Variants in ANO2 observed in about 807,000 individuals in gnomAD.
The protein encoded by ANO2 is anoctamin 2, also known as anoctamin-2.
In ANO2, 101 loss-of-function variants were observed where a neutral mutation model predicts 124.2. That is an observed-to-expected ratio of 0.81 (90% CI 0.69 to 0.96). ANO2 has a LOEUF of 0.96. Ranked by LOEUF, ANO2 falls within the 40% of genes least tolerant of loss-of-function variation. ANO2 has a pLI of 0.00. For synonymous variants in ANO2, 486 were observed against 482.5 expected (o/e 1.01, Z -0.09); for missense variants, 1,293 against 1,274.5 (o/e 1.01, Z -0.22).
chr12:5,878,645 C>A (rs541534021), intron 3 of ANO2, among the ~76,000 whole-genome samples: 1 of 152,114 alleles, frequency 6.6e-6, no homozygotes, highest in African/African-American at 2.4e-5. Flanking sequence ...AACATAGTAC[C>A]CAATACCAAT....
chr12:5,574,916 A>G (rs981968606), intron 23 of ANO2, among the ~76,000 whole-genome samples: 6 of 152,192 alleles, frequency 3.9e-5, no homozygotes, highest in Non-Finnish European at 5.9e-5. Flanking sequence ...CTTTTGGCTT[A>G]TGCTGGTGTA....
intron 20 of ANO2, among the ~76,000 whole-genome samples, chr12:5,588,946 A>C (rs1183592046): frequency 2.0e-5 from 3 of 152,304 alleles, no homozygotes; most frequent in South Asian, 2.1e-4. Context: ...TCTGCACCCG[A>C]GTCTCACCTG....
chr12:5,882,847 C>T (rs532340579), intron 3 of ANO2, among the ~76,000 whole-genome samples: 1 of 152,250 alleles, frequency 6.6e-6, no homozygotes, highest in South Asian at 2.1e-4. Flanking sequence ...ATTGCATAGA[C>T]CACTTGGGGG....
At chr12:5,903,034 G>A (rs1373689956) in intron 3 of ANO2, among the ~76,000 whole-genome samples, 1 of 151,418 alleles carries the variant, frequency 6.6e-6, no homozygotes, top group Non-Finnish European at 1.5e-5. Flanking sequence ...TGACATGGGG[G>A]TCTTAGCTCT....
intron 1 of ANO2, among the ~76,000 whole-genome samples, chr12:5,930,286 A>G (rs1337192928): frequency 6.6e-6 from 1 of 152,210 alleles, no homozygotes. Flanking sequence ...TGGGTCTGCA[A>G]TGAACGAACA....
At chr12:5,763,137 T>G (rs1951786991) in intron 10 of ANO2, among the ~76,000 whole-genome samples, 1 of 152,014 alleles carries the variant, frequency 6.6e-6, no homozygotes. Flanking sequence ...ATTTTTGACC[T>G]TGAACCAACT....
intron 14 of ANO2, among the ~76,000 whole-genome samples, chr12:5,655,124 C>A (rs1375252493): frequency 6.6e-6 from 1 of 152,164 alleles, no homozygotes; most frequent in East Asian, 1.9e-4. Flanking sequence ...CATTACATAA[C>A]CTCACTTTTT....
chr12:5,705,665 T>A (rs1043878272), intron 14 of ANO2, among the ~76,000 whole-genome samples: 1 of 152,264 alleles, frequency 6.6e-6, no homozygotes, highest in African/African-American at 2.4e-5. Flanking sequence ...ACTATTGCTT[T>A]TGGCCACACT....
chr12:5,880,100 G>C (rs1259556219), intron 3 of ANO2, among the ~76,000 whole-genome samples: 1 of 152,202 alleles, frequency 6.6e-6, no homozygotes, highest in Admixed American at 6.5e-5. Flanking sequence ...CACGAGAGGA[G>C]AGAGAATCTA....
chr12:5,587,983 C>T (rs1943204736), intron 20 of ANO2, among the ~76,000 whole-genome samples: 2 of 152,272 alleles, frequency 1.3e-5, no homozygotes, highest in African/African-American at 4.8e-5. Context: ...ACCATTCCTA[C>T]TGACAGGCCC....
chr12:5,869,587 G>A (rs891991265), intron 3 of ANO2, among the ~76,000 whole-genome samples: 3 of 152,128 alleles, frequency 2.0e-5, no homozygotes, highest in Non-Finnish European at 2.9e-5. Flanking sequence ...GCCCTATCCC[G>A]ATGCCTCATG....
intron 1 of ANO2, among the ~76,000 whole-genome samples, chr12:5,936,406 G>T (rs1257344865): frequency 6.6e-6 from 1 of 152,116 alleles, no homozygotes; most frequent in East Asian, 1.9e-4. Context: ...AGTCATAAGG[G>T]CTCTGCCTTT....
intron 3 of ANO2, among the ~76,000 whole-genome samples, chr12:5,883,525 G>A (rs941207722): frequency 6.6e-6 from 1 of 151,836 alleles, no homozygotes; most frequent in South Asian, 2.1e-4. Context: ...GTGTGTGTGT[G>A]TGTGTGTGTG....
chr12:5,896,817 G>GT (rs1324060056), intron 3 of ANO2, among the ~76,000 whole-genome samples: 7 of 152,112 alleles, frequency 4.6e-5, no homozygotes, highest in Admixed American at 1.3e-4. Context: ...AGGTAGAAAG[G>GT]TTTTTTTAAA....
At chr12:5,843,549 CAA>C (rs879886150) in intron 4 of ANO2, among the ~76,000 whole-genome samples, 15 of 145,236 alleles carry the variant, frequency 1.0e-4, no homozygotes, top group Admixed American at 2.1e-4. Context: ...GATTCCATCT[CAA>C]AAAAAAAATA....
intron 17 of ANO2, among the ~76,000 whole-genome samples, chr12:5,614,433 T>C (rs544792509): frequency 1.3e-5 from 2 of 152,258 alleles, no homozygotes; most frequent in East Asian, 3.9e-4. Context: ...GGGAAGGGCA[T>C]TGGAGATCGA....
At chr12:5,674,816 A>G (rs1281065754) in intron 14 of ANO2, among the ~76,000 whole-genome samples, 3 of 152,208 alleles carry the variant, frequency 2.0e-5, no homozygotes, top group Admixed American at 2.0e-4. Context: ...AGTTGTGAAG[A>G]GTAGAGGAAA....
chr12:5,573,215 T>C (rs1320204441), intron 23 of ANO2, among the ~76,000 whole-genome samples: 1 of 152,178 alleles, frequency 6.6e-6, no homozygotes, highest in Non-Finnish European at 1.5e-5. Context: ...CAACTTCCCA[T>C]AGGGACCATT....
At chr12:5,752,811 C>T (rs1268608089) in intron 10 of ANO2, among the ~76,000 whole-genome samples, 1 of 151,982 alleles carries the variant, frequency 6.6e-6, no homozygotes, top group Non-Finnish European at 1.5e-5. Context: ...AAGCTTTTTT[C>T]CCCTGTTTTC....
Sources: allele counts gnomAD v4.1 joint callset (sites outside exome capture counted in the v4.1 genomes callset), GRCh38; gene constraint gnomAD v4.1.1; transcripts MANE v1.5; gene names NCBI Gene and HGNC (gene_info 2026-07-23, HGNC 2026-07-21).